ALK: variants seen among roughly 807,000 people sequenced by gnomAD.
ALK encodes ALK receptor tyrosine kinase.
A neutral mutation model predicts 163.1 loss-of-function variants in ALK; 74 were observed. That is an observed-to-expected ratio of 0.45 (90% CI 0.38 to 0.55). The LOEUF is 0.55. Among genes scored for constraint, ALK ranks in the 20% least tolerant of loss-of-function variants. ALK has a pLI of 0.00. For missense variants in ALK, 2,063 were observed against 2,105.3 expected, an observed-to-expected ratio of 0.98 and a Z score of 0.39; for synonymous variants, 960 against 843.2, an observed-to-expected ratio of 1.14 and a Z score of -2.40.
chr2:29,754,579 A>G (rs1045094766), intron 1 of ALK, among the ~76,000 whole-genome samples: 1 of 152,120 alleles, frequency 6.6e-6, no homozygotes, highest in Non-Finnish European at 1.5e-5. Flanking sequence ...GGTCCCAGCT[A>G]CATAGGAGGC....
intron 9 of ALK, among the ~76,000 whole-genome samples, chr2:29,294,213 C>A (rs962617613): frequency 6.6e-6 from 1 of 152,140 alleles, no homozygotes; most frequent in Non-Finnish European, 1.5e-5. Context: ...TCCTTTCTCC[C>A]ATTTTCATCT....
chr2:29,617,769 C>T (rs543190488), intron 3 of ALK, among the ~76,000 whole-genome samples: 9 of 152,336 alleles, frequency 5.9e-5, no homozygotes, highest in African/African-American at 2.2e-4. Context: ...TTGTAACAGT[C>T]TTGAATGAAG....
At chr2:29,819,705 GT>G (rs935183186) in intron 1 of ALK, among the ~76,000 whole-genome samples, 1 of 152,188 alleles carries the variant, frequency 6.6e-6, no homozygotes, top group Non-Finnish European at 1.5e-5. Flanking sequence ...TGTTGCATGT[GT>G]TTTTTTGTTT....
intron 1 of ALK, among the ~76,000 whole-genome samples, chr2:29,742,046 G>GCT (rs953131530): frequency 1.1e-4 from 16 of 152,208 alleles, no homozygotes; most frequent in African/African-American, 3.9e-4. Flanking sequence ...CAACTTTACT[G>GCT]CTCACAGGGC....
intron 4 of ALK, among the ~76,000 whole-genome samples, chr2:29,515,180 T>A (rs1231544235): frequency 6.6e-6 from 1 of 152,108 alleles, no homozygotes; most frequent in Non-Finnish European, 1.5e-5. Context: ...CTTTCACACT[T>A]GAGTTCAAAT....
chr2:29,820,987 T>G (rs1483842475), intron 1 of ALK, among the ~76,000 whole-genome samples: 1 of 152,184 alleles, frequency 6.6e-6, no homozygotes, highest in Non-Finnish European at 1.5e-5. Context: ...TGATGCTGTG[T>G]GGAGAAGAAG....
At chr2:29,912,570 A>G (rs921019936) in intron 1 of ALK, among the ~76,000 whole-genome samples, 82 of 152,148 alleles carry the variant, frequency 5.4e-4, no homozygotes, top group Admixed American at 5.4e-3. Context: ...ATAATAAAAT[A>G]GGAAATATTG....
chr2:29,911,127 G>A (rs1189101168), intron 1 of ALK, among the ~76,000 whole-genome samples: 1 of 152,220 alleles, frequency 6.6e-6, no homozygotes, highest in African/African-American at 2.4e-5. Flanking sequence ...TGAACTGAAT[G>A]CAGGCACCCA....
At chr2:29,379,940 A>G (rs1329077992) in intron 5 of ALK, among the ~76,000 whole-genome samples, 1 of 152,204 alleles carries the variant, frequency 6.6e-6, no homozygotes, top group Non-Finnish European at 1.5e-5. Context: ...TGGGTAATTT[A>G]TAAAGAAAAG....
chr2:29,346,152 A>G (rs1667942844), intron 5 of ALK, among the ~76,000 whole-genome samples: 1 of 152,130 alleles, frequency 6.6e-6, no homozygotes, highest in South Asian at 2.1e-4. Flanking sequence ...GACGACCCCA[A>G]TTCACCCTGT....
intron 1 of ALK, among the ~76,000 whole-genome samples, chr2:29,786,637 G>A (rs567470990): frequency 3.9e-5 from 6 of 152,322 alleles, no homozygotes; most frequent in Admixed American, 2.6e-4. Context: ...TGTAGTCCCC[G>A]ACTGTAGGAG....
chr2:29,590,653 T>C (rs908408720), intron 3 of ALK, among the ~76,000 whole-genome samples: 6 of 152,080 alleles, frequency 3.9e-5, no homozygotes, highest in African/African-American at 1.2e-4. Flanking sequence ...AATCCCCCCA[T>C]TACCCGTGAT....
intron 11 of ALK, among the ~76,000 whole-genome samples, chr2:29,265,226 C>A (rs1281579392): frequency 6.6e-6 from 1 of 152,148 alleles, no homozygotes; most frequent in Admixed American, 6.5e-5. Context: ...CCATGTTGGC[C>A]AGGCTGGTCT....
chr2:29,403,093 A>G (rs1669489857), intron 4 of ALK, among the ~76,000 whole-genome samples: 2 of 152,182 alleles, frequency 1.3e-5, no homozygotes, highest in Admixed American at 6.5e-5. Context: ...TTGAATCATC[A>G]GCAGACCAGG....
chr2:29,553,190 C>A (rs1248057124), intron 3 of ALK, among the ~76,000 whole-genome samples: 2 of 152,130 alleles, frequency 1.3e-5, no homozygotes, highest in African/African-American at 4.8e-5. Context: ...CATGAGGGCT[C>A]CACCCTCATG....
intron 1 of ALK, among the ~76,000 whole-genome samples, chr2:29,909,351 T>C (rs564856371): frequency 6.6e-5 from 10 of 152,258 alleles, no homozygotes; most frequent in East Asian, 3.9e-4. Context: ...AAAAAGAGCA[T>C]AGTGGCCTCA....
intron 1 of ALK, among the ~76,000 whole-genome samples, chr2:29,876,658 ATGG>A (rs1330917466): frequency 7.0e-6 from 1 of 143,348 alleles, no homozygotes; most frequent in East Asian, 2.3e-4. Context: ...GGTGACGGCG[ATGG>A]TGGTGATGAT....
intron 1 of ALK, among the ~76,000 whole-genome samples, chr2:29,833,703 G>T (rs1665483019): frequency 6.6e-6 from 1 of 152,210 alleles, no homozygotes; most frequent in Non-Finnish European, 1.5e-5. Flanking sequence ...GAGGCTCACA[G>T]ATGTAGAATT....
intron 1 of ALK, among the ~76,000 whole-genome samples, chr2:29,894,394 CT>C (rs1043824543): frequency 4.6e-5 from 7 of 152,194 alleles, no homozygotes; most frequent in African/African-American, 1.7e-4. Context: ...CTCTAAGCCT[CT>C]GTGAAATGGG....
Sources: allele counts gnomAD v4.1 joint callset (sites outside exome capture counted in the v4.1 genomes callset), GRCh38; gene constraint gnomAD v4.1.1; transcripts MANE v1.5; gene names NCBI Gene and HGNC (gene_info 2026-07-23, HGNC 2026-07-21).